CDK5RAP2: variants seen among roughly 807,000 people sequenced by gnomAD.
CDK5RAP2 encodes the protein CDK5 regulatory subunit-associated protein 2.
Under a neutral mutation model 232.9 loss-of-function variants are expected in CDK5RAP2, and 147 were observed. The observed-to-expected ratio is 0.63, with a 90% CI of 0.55 to 0.72. The LOEUF (loss-of-function observed/expected upper bound fraction) is 0.72, where lower values mean the gene tolerates loss of function less well. Ranked by LOEUF, CDK5RAP2 falls within the 30% of genes least tolerant of loss-of-function variation. The pLI is 0.00. For missense variants in CDK5RAP2, 2,195 were observed against 2,231.5 expected, an observed-to-expected ratio of 0.98 and a Z score of 0.33; for synonymous variants, 833 against 833.7, an observed-to-expected ratio of 1.00 and a Z score of 0.01.
chr9:120,564,946 C>T (rs996466721), intron 3 of CDK5RAP2, among the ~76,000 whole-genome samples: 1 of 152,168 alleles, frequency 6.6e-6, no homozygotes, highest in African/African-American at 2.4e-5. Context: ...AAGACCAATA[C>T]GACAGGCTCC....
chr9:120,400,627 A>C, intron 35 of CDK5RAP2, 115 bp downstream of exon 35: 2 of 1,328,330 alleles, frequency 1.5e-6, no homozygotes, highest in Admixed American at 3.4e-5. Flanking sequence ...CTCCTCCCTA[A>C]TACATACCCC....
chr9:120,545,892 G>A (rs2041822353), intron 4 of CDK5RAP2, 102 bp from the exon 5 acceptor site: 1 of 889,904 alleles, frequency 1.1e-6, no homozygotes, highest in Admixed American at 1.8e-5. Context: ...ACTACAGGAT[G>A]CTTGTAATAG....
At chr9:120,538,679 G>T (rs1419019162) in intron 6 of CDK5RAP2, among the ~76,000 whole-genome samples, 1 of 152,012 alleles carries the variant, frequency 6.6e-6, no homozygotes, top group Non-Finnish European at 1.5e-5. Flanking sequence ...TAAAATAATG[G>T]GGCTAAACTA....
rs992701462 is a variant in CDK5RAP2, at chr9:120,508,864, T to G, written c.1311+9563A>C. ...CTATATTTTAATTAGCTCTTTGTAT[T>G]TCTATGCTATTTCTTCACTAGATTC... On this transcript the variant is annotated intron_variant, in intron 12 of 37. Coordinates refer to ENST00000349780, the MANE Select transcript of CDK5RAP2 (RefSeq NM_018249.6). 3.3e-5 allele frequency among the ~76,000 whole-genome samples: 5 copies of G among 152,224 alleles called. No individual in the cohort carries two copies. In the East Asian group the frequency reaches 9.6e-4, roughly 29 times the overall value.
chr9:120,402,832 A>G lies in CDK5RAP2; in HGVS notation c.5281T>C (p.Ser1761Pro). The G allele has an allele frequency of 6.2e-7, 1 of 1,613,982 alleles. No individual in the cohort carries two copies. Among genetic ancestry groups the G allele is most frequent in the Non-Finnish European group, 8.5e-7 (1 of 1,180,016 alleles). The part of the protein sequence containing the change: ...MDIQTQEAPS[S>P]TSQELGTKGP... ...TTTGTTCCCAGCTCTTGACTTGTGGAGCTGGGAGCCTCTTGGGTTTGAATG... is the reference window on the plus strand; with the variant it reads ...TTTGTTCCCAGCTCTTGACTTGTGGGGCTGGGAGCCTCTTGGGTTTGAATG... Residue 1761 changes from serine (S) to proline (P), a missense_variant, in exon 34 of 38, where the codon TCC becomes CCC. Ser to Pro is a moderately conservative substitution (Grantham distance 74, BLOSUM62 -1). Coordinates refer to ENST00000349780, the MANE Select transcript of CDK5RAP2 (RefSeq NM_018249.6).
At chr9:120,541,011 C>A (rs1015670679) in intron 5 of CDK5RAP2, among the ~76,000 whole-genome samples, 5 of 152,260 alleles carry the variant, frequency 3.3e-5, no homozygotes, top group African/African-American at 9.6e-5. Context: ...GTCTTGAATT[C>A]ACAGTGATTC....
chr9:120,518,402 G>C (rs1313457584), intron 12 of CDK5RAP2, 25 bp downstream of exon 12: 6 of 1,596,688 alleles, frequency 3.8e-6, no homozygotes, highest in Non-Finnish European at 5.1e-6. Flanking sequence ...TGTCCACTGT[G>C]TCAGAAGGGC....
chr9:120,579,699 C>T (rs1440709806), intron 1 of CDK5RAP2, among the ~76,000 whole-genome samples: 1 of 152,222 alleles, frequency 6.6e-6, no homozygotes, highest in Admixed American at 6.5e-5. Context: ...CTACAAAGTA[C>T]ATGGCGCAAT....
chr9:120,391,530 G>A (rs546349825), intron 36 of CDK5RAP2, among the ~76,000 whole-genome samples: 32 of 152,274 alleles, frequency 2.1e-4, no homozygotes, highest in Non-Finnish European at 2.9e-4. Context: ...GTTTCCAACG[G>A]TGGCCTCACT....
At chr9:120,412,924 A>G (rs2033940056) in intron 28 of CDK5RAP2, among the ~76,000 whole-genome samples, 1 of 152,080 alleles carries the variant, frequency 6.6e-6, no homozygotes, top group Non-Finnish European at 1.5e-5. Context: ...TCCCCTGCGA[A>G]CTCTGGTATC....
At chr9:120,572,589 G>A (rs1046810107) in intron 1 of CDK5RAP2, among the ~76,000 whole-genome samples, 2 of 152,160 alleles carry the variant, frequency 1.3e-5, no homozygotes, top group Non-Finnish European at 2.9e-5. Flanking sequence ...AGTTGTCTTG[G>A]TTGAATTACA....
rs773107024 is a variant in CDK5RAP2, at chr9:120,525,044, C to T, written c.1034G>A (p.Ser345Asn). 3 of 1,614,094 alleles carry T rather than the reference C, an allele frequency of 1.9e-6. No individual in the cohort carries two copies. The highest frequency in any genetic ancestry group is 2.2e-5 in the South Asian group (2 of 91,088). The change falls in exon 11 of 38, where the codon AGT becomes AAT. Residue 345 changes from serine (S) to asparagine (N), a missense_variant. Ser to Asn is a conservative substitution (Grantham distance 46). Transcript: ENST00000349780. ...CTCTCTGGCTTTAGCAAAGGCAGCA[C>T]TGAGCTTTTCAATTTCAGAGTTAAG... ...EELNSEIEKL[S>N]AAFAKAREAL...
At chr9:120,548,766 C>T (rs1389251104) in intron 4 of CDK5RAP2, among the ~76,000 whole-genome samples, 1 of 152,192 alleles carries the variant, frequency 6.6e-6, no homozygotes, top group Non-Finnish European at 1.5e-5. Context: ...GAGCTATGAT[C>T]ACACCACTAC....
rs145293519 is a variant in CDK5RAP2 at position 120,447,918 on chromosome 9, G to A, written c.3002C>T (p.Thr1001Met). 177 of 1,614,048 alleles carry A rather than the reference G, an allele frequency of 1.1e-4. No individual in the cohort carries two copies. The highest frequency in any genetic ancestry group is 9.9e-4 in the Middle Eastern group (6 of 6,060). Residue 1001 changes from threonine (T) to methionine (M), a missense_variant, in exon 22 of 38, where the codon ACG becomes ATG. By Grantham distance (81) the Thr-to-Met change is moderately conservative. Transcript: ENST00000349780. ...LAEAVMEGRP[T>M]PDKTLLNAQP... The stretch of plus-strand genomic sequence containing the variant: ...ACCATTCAGCAACGTTTTGTCGGGC[G>A]TTGGCCTCCCCTCCATCACTGCTTC...
chr9:120,464,490 G>A (rs772419473), intron 18 of CDK5RAP2, among the ~76,000 whole-genome samples: 4 of 151,938 alleles, frequency 2.6e-5, no homozygotes, highest in Non-Finnish European at 5.9e-5. Flanking sequence ...TTTTCAAAAC[G>A]AGACCTAGAA....
chr9:120,514,121 T>C (rs979663304), intron 12 of CDK5RAP2, among the ~76,000 whole-genome samples: 3 of 152,130 alleles, frequency 2.0e-5, no homozygotes, highest in Admixed American at 6.5e-5. Flanking sequence ...GCAACATCTG[T>C]GCAAAAAAAG....
chr9:120,558,099 G>C (rs1379685449), intron 3 of CDK5RAP2, among the ~76,000 whole-genome samples: 1 of 143,224 alleles, frequency 7.0e-6, no homozygotes, highest in African/African-American at 2.5e-5. Context: ...TTTAGGCTGG[G>C]CACGGTGACT....
intron 3 of CDK5RAP2, among the ~76,000 whole-genome samples, chr9:120,559,050 G>A (rs1426434315): frequency 6.6e-6 from 1 of 152,060 alleles, no homozygotes; most frequent in African/African-American, 2.4e-5. Flanking sequence ...TAGCTGTATG[G>A]CCTTAATGAA....
chr9:120,455,012 C>T (rs1213755516), intron 20 of CDK5RAP2, among the ~76,000 whole-genome samples: 2 of 152,214 alleles, frequency 1.3e-5, no homozygotes, highest in East Asian at 1.9e-4. Context: ...ATGTAAAACA[C>T]CTGGAATGGT....
Sources: gnomAD v4.1 joint callset for allele counts (sites outside exome capture counted in the v4.1 genomes callset) on GRCh38, gnomAD v4.1.1 for gene constraint, MANE v1.5 for transcripts, NCBI Gene and HGNC (gene_info 2026-07-23, HGNC 2026-07-21) for gene names.